ENO2: variants seen among roughly 807,000 people sequenced by gnomAD.
The protein encoded by ENO2 is gamma-enolase.
ENO2 carries 19 observed loss-of-function variants against 48.7 expected under a neutral mutation model. The observed-to-expected ratio is 0.39, with a 90% CI of 0.27 to 0.57. The LOEUF is 0.57. Ranked by LOEUF, ENO2 falls within the 20% of genes least tolerant of loss-of-function variation. ENO2 has a pLI of 0.58. For missense variants in ENO2, 416 were observed against 555.0 expected (o/e 0.75, Z 2.52); for synonymous variants, 198 against 213.4 (o/e 0.93, Z 0.63).
rs782253860 is a variant in ENO2, at chr12:6,915,864, T to C, written c.32T>C (p.Ile11Thr). 1 of 1,613,716 alleles carries C rather than the reference T, an allele frequency of 6.2e-7. No individual in the cohort carries two copies. The highest frequency in any genetic ancestry group is 1.1e-5 in the South Asian group (1 of 91,062). The part of the protein sequence containing the change: MSIEKIWARE[I>T]LDSRGNPTVE... ...ATAGAGAAGATCTGGGCCCGGGAGA[T>C]CCTGGACTCCCGCGGGAACCCCACA... is the stretch of plus-strand genomic sequence containing the variant. The change falls in exon 2 of 12, where the codon ATC becomes ACC. Residue 11 changes from isoleucine (I) to threonine (T), a missense_variant. Ile to Thr is a moderately conservative substitution (Grantham distance 89). Coordinates refer to ENST00000229277, the MANE Select transcript of ENO2 (RefSeq NM_001975.3).
Position 6,917,100 on chromosome 12 carries a change from G to A in ENO2, c.303G>A (p.Glu101=). The change falls in exon 5 of 12, where the codon GAG becomes GAA. Residue 101 remains glutamate (E), a synonymous_variant. Transcript: ENST00000229277. ...DNLMLELDGT[E]NKSKFGANAI... ...TGATGCTGGAGTTGGATGGGACTGA[G>A]AACAAATGTGAGCCGGGGCCGGGAG... The A allele has an allele frequency of 6.2e-7, 1 of 1,614,144 alleles. No individual in the cohort carries two copies. Among genetic ancestry groups the A allele is most frequent in the Non-Finnish European group, 8.5e-7 (1 of 1,180,020 alleles).
intron 6 of ENO2, 27 bp downstream of exon 6, chr12:6,917,741 T>TCC (rs1945304953): frequency 7.0e-7 from 1 of 1,426,712 alleles, no homozygotes; most frequent in Admixed American, 1.7e-5. Flanking sequence ...CCTGCGGCTC[T>TCC]CCCAGGGGCG....
rs1199928302 is a variant in ENO2 at position 6,922,990 on chromosome 12, C to T, written c.*190C>T. 5.0e-6 allele frequency: 3 copies of T among 599,304 alleles called. No individual in the cohort carries two copies. In the African/African-American group the frequency reaches 5.6e-5, roughly 11 times the overall value. 37.1% of individuals were successfully genotyped at this position (599,304 alleles called of 1,614,324 possible). On this transcript the variant is annotated 3_prime_UTR_variant, in exon 12 of 12. Transcript: ENST00000229277. This position sits in a 1 kb window ranked among gnomAD's most constrained non-coding sequence, Gnocchi z 5.3. ...GTCTCTGCTCGCCCTCCTTTCTGTGCCCTACTCATTGGGGTTCCGCACTTT... is the reference window on the plus strand; with the variant it reads ...GTCTCTGCTCGCCCTCCTTTCTGTGTCCTACTCATTGGGGTTCCGCACTTT...
In ENO2 at chr12:6,921,798, C is replaced by T. The variant is rs782681544; in HGVS notation, c.1067+16C>T. The T allele has an allele frequency of 2.5e-6, 4 of 1,613,320 alleles. No individual in the cohort carries two copies. The highest frequency in any genetic ancestry group is 3.4e-6 in the Non-Finnish European group (4 of 1,179,646). On this transcript the variant is annotated intron_variant, in intron 9 of 11. Transcript: ENST00000229277. ...CCATCCAAGCGTGAGTGACTTCTGG[C>T]CCTCTCCTGTGTGGTCCTCGTTTCT...
In ENO2 at chr12:6,917,733, T is replaced by TG; in HGVS notation, c.444+20dup. On this transcript the variant is annotated intron_variant, in intron 6 of 11. Transcript: ENST00000229277. ...TGTGCCGGTGAGCAATAAGCCAGCC[T>TG]GCGGCTCTCCCAGGGGCGGGTGGGG... 1 of 1,501,392 alleles carries TG rather than the reference T, an allele frequency of 6.7e-7. No individual in the cohort carries two copies. The highest frequency in any genetic ancestry group is 9.1e-7 in the Non-Finnish European group (1 of 1,101,362). The allele number at this position is 1,501,392 out of a possible 1,614,324, so 93.0% of individuals were successfully genotyped here. A position where few individuals can be genotyped will look rare whatever the true frequency, so the allele number is the denominator to read the frequency against.
rs1945284524 is a variant in ENO2, at chr12:6,915,746, G to A, written c.-12-75G>A. The A allele has an allele frequency of 6.6e-5, 23 of 349,826 alleles. No individual in the cohort carries two copies. The South Asian group carries it at 7.1e-4, about 11-fold the overall frequency. The allele number at this position is 349,826 out of a possible 1,614,324, so 21.7% of individuals were successfully genotyped here. A position where few individuals can be genotyped will look rare whatever the true frequency, so the allele number is the denominator to read the frequency against. On this transcript the variant is annotated intron_variant, in intron 1 of 11. Transcript: ENST00000229277. ...TCTTTCCCATCCCTCCCAGCCTCCC[G>A]CCCCGCCCATTGATCTCAGGCTCCA... is the stretch of plus-strand genomic sequence containing the variant.
rs782812521 is a variant in ENO2, at chr12:6,922,431, G to C, written c.1235+29G>C. 6 of 1,613,790 alleles carry C rather than the reference G, an allele frequency of 3.7e-6. No homozygotes were observed. In the South Asian group the frequency reaches 6.6e-5, roughly 18 times the overall value. ...AGGGTCCCTGGGGTGGGAGCCCCTG[G>C]CCCAGATGGCTAAAGGCCCCATTTG... On this transcript the variant is annotated intron_variant, in intron 11 of 11. Coordinates refer to ENST00000229277, the MANE Select transcript of ENO2 (RefSeq NM_001975.3). The surrounding 1 kb of genome is among the most constrained non-coding windows in gnomAD (Gnocchi z 5.3).
Position 6,916,575 on chromosome 12 carries a change from A to G in ENO2, c.181+63A>G. The G allele has an allele frequency of 1.2e-6, 2 of 1,610,858 alleles. No individual in the cohort carries two copies. Among genetic ancestry groups the G allele is most frequent in the Non-Finnish European group, 1.7e-6 (2 of 1,177,424 alleles). ...CAGCCTTATGCCCCTACCTCACACC[A>G]GTCCCCAGTCCTCCTCTAGCATGGC... On this transcript the variant is annotated intron_variant, in intron 3 of 11. Coordinates refer to ENST00000229277, the MANE Select transcript of ENO2 (RefSeq NM_001975.3). The surrounding 1 kb of genome is among the most constrained non-coding windows in gnomAD (Gnocchi z 4.5).
At position 6,920,375 on chromosome 12, in the gene ENO2, G is replaced by A. The variant is rs200886669; in HGVS notation, c.865+612G>A. Among the ~76,000 whole-genome samples, 30 of 138,464 alleles carry A rather than the reference G, an allele frequency of 2.2e-4. 1 individual carries two copies. Among genetic ancestry groups the A allele is most frequent in the Middle Eastern group, 3.6e-3 (1 of 274 alleles). The allele number at this position is 138,464 out of a possible 152,430, so 90.8% of individuals were successfully genotyped here. On this transcript the variant is annotated intron_variant, in intron 8 of 11. Coordinates refer to ENST00000229277, the MANE Select transcript of ENO2 (RefSeq NM_001975.3). ...CTTGTTACTGGAAGATTTTTTTTGG[G>A]GGGGGGGTGGGGTTGTTTTTTTTGT...
rs367934778 is a variant in ENO2, at chr12:6,916,426, G to T, written c.95G>T (p.Arg32Leu). The change falls in exon 3 of 12, where the codon CGG (arginine) becomes CTG (leucine). Residue 32 changes from arginine to leucine, a missense_variant. Coordinates refer to ENST00000229277, the MANE Select transcript of ENO2 (RefSeq NM_001975.3). This position sits in a 1 kb window ranked among gnomAD's most constrained non-coding sequence, Gnocchi z 4.5. Reference sequence around the variant, plus strand: ...CATGTTCCTCCTTTAGGTCTTTTCCGGGCTGCAGTGCCCAGTGGAGCCTCT... The same window carrying T: ...CATGTTCCTCCTTTAGGTCTTTTCCTGGCTGCAGTGCCCAGTGGAGCCTCT... ...VDLYTAKGLF[R>L]AAVPSGASTG... 6.2e-7 allele frequency: 1 copy of T among 1,613,500 alleles called. No individual in the cohort carries two copies. The highest frequency in any genetic ancestry group is 2.2e-5 in the East Asian group (1 of 44,872).
chr12:6,915,985 G>T (rs1945287371), intron 2 of ENO2, 68 bp downstream of exon 2: 1 of 1,563,940 alleles, frequency 6.4e-7, no homozygotes, highest in Non-Finnish European at 8.8e-7. Context: ...TTCGGCCAGG[G>T]GTTCGGAGGC....
chr12:6,915,608 C>T (rs1005232906), intron 1 of ENO2: 3 of 565,142 alleles, frequency 5.3e-6, no homozygotes, highest in Non-Finnish European at 9.6e-6. Flanking sequence ...AGTGACCTCC[C>T]CTTCCTCACT....
intron 8 of ENO2, 151 bp downstream of exon 8, chr12:6,919,914 A>T (rs1945324887): frequency 1.3e-6 from 1 of 741,244 alleles, no homozygotes; most frequent in Admixed American, 2.8e-5. Context: ...AGCCACCTGC[A>T]AAGACTGGGC....
chr12:6,917,759 G>GGGGGGT, intron 6 of ENO2, 45 bp downstream of exon 6: 3 of 1,375,340 alleles, frequency 2.2e-6, no homozygotes, highest in Non-Finnish European at 3.1e-6. Context: ...GCGGGTGGGG[G>GGGGGGT]AGGGAGCATG....
rs1945354997 is a variant in ENO2 at position 6,922,924 on chromosome 12, T to A, written c.*124T>A. ...CCAGGGTGCCCAGAACTTCCCTGATTGACCTGCTCCGCTGCTCCTTGGCTT... is the reference window on the plus strand; with the variant it reads ...CCAGGGTGCCCAGAACTTCCCTGATAGACCTGCTCCGCTGCTCCTTGGCTT... On this transcript the variant is annotated 3_prime_UTR_variant, in exon 12 of 12. Coordinates refer to ENST00000229277, the MANE Select transcript of ENO2 (RefSeq NM_001975.3). This position sits in a 1 kb window ranked among gnomAD's most constrained non-coding sequence, Gnocchi z 5.3. 2 of 1,004,430 alleles carry A rather than the reference T, an allele frequency of 2.0e-6. No individual in the cohort carries two copies. Among genetic ancestry groups the A allele is most frequent in the Non-Finnish European group, 1.5e-6 (1 of 653,632 alleles). 62.2% of individuals were successfully genotyped at this position (1,004,430 alleles called of 1,614,324 possible).
chr12:6,922,035 C>T lies in ENO2; in HGVS notation c.1068-21C>T. ...GTGCCCAGTGTGAGAGCTGGAGAAT[C>T]AGTGCTGTGTGTGGATACAGGTGCA... On this transcript the variant is annotated intron_variant, in intron 9 of 11. Transcript: ENST00000229277. The surrounding 1 kb of genome is among the most constrained non-coding windows in gnomAD (Gnocchi z 5.3). 6.2e-7 allele frequency: 1 copy of T among 1,613,472 alleles called. No individual in the cohort carries two copies. Among genetic ancestry groups the T allele is most frequent in the South Asian group, 1.1e-5 (1 of 91,062 alleles).
At chr12:6,920,646 C>A (rs1260691179) in intron 8 of ENO2, among the ~76,000 whole-genome samples, 3 of 151,642 alleles carry the variant, frequency 2.0e-5, no homozygotes, top group Non-Finnish European at 2.9e-5. Context: ...GTAATCTATC[C>A]ACCTTGGTCT....
chr12:6,922,426 C>T lies in ENO2; in HGVS notation c.1235+24C>T. The T allele has an allele frequency of 6.2e-7, 1 of 1,614,040 alleles. No homozygotes were observed. Among genetic ancestry groups the T allele is most frequent in the South Asian group, 1.1e-5 (1 of 91,078 alleles). On this transcript the variant is annotated intron_variant, in intron 11 of 11. Transcript: ENST00000229277. This position sits in a 1 kb window ranked among gnomAD's most constrained non-coding sequence, Gnocchi z 5.3. ...AGGTGAGGGTCCCTGGGGTGGGAGCCCCTGGCCCAGATGGCTAAAGGCCCC... is the reference window on the plus strand; with the variant it reads ...AGGTGAGGGTCCCTGGGGTGGGAGCTCCTGGCCCAGATGGCTAAAGGCCCC...
intron 6 of ENO2, 91 bp from the exon 7 acceptor site, chr12:6,917,849 A>C: frequency 6.3e-7 from 1 of 1,582,902 alleles, no homozygotes; most frequent in South Asian, 1.1e-5. Flanking sequence ...TTAGTCCGGA[A>C]AGCTGGGGGA....
Sources: gnomAD v4.1 joint callset for allele counts (sites outside exome capture counted in the v4.1 genomes callset) on GRCh38, gnomAD v4.1.1 for gene constraint, Gnocchi (gnomAD v3.1) non-coding constraint, MANE v1.5 for transcripts, NCBI Gene and HGNC (gene_info 2026-07-23, HGNC 2026-07-21) for gene names.